The following DGKI variants were observed in gnomAD, a reference collection of about 807,000 sequenced individuals.
The protein encoded by DGKI is diacylglycerol kinase iota.
Under a neutral mutation model 147.5 loss-of-function variants are expected in DGKI, and 55 were observed. The observed-to-expected ratio is 0.37, with a 90% CI of 0.30 to 0.47. The LOEUF (loss-of-function observed/expected upper bound fraction) is 0.47, where lower values mean the gene tolerates loss of function less well. Among genes scored for constraint, DGKI ranks in the 20% least tolerant of loss-of-function variants. DGKI has a pLI of 1.00. For synonymous variants in DGKI, 469 were observed against 477.1 expected, an observed-to-expected ratio of 0.98 and a Z score of 0.22; for missense variants, 1,007 against 1,323.8, an observed-to-expected ratio of 0.76 and a Z score of 3.71.
At chr7:137,706,825 G>A (rs112627787) in intron 1 of DGKI, among the ~76,000 whole-genome samples, 1 of 151,826 alleles carries the variant, frequency 6.6e-6, no homozygotes, top group Non-Finnish European at 1.5e-5. Flanking sequence ...ACCCACCTCG[G>A]CCTCCCATAG....
intron 15 of DGKI, among the ~76,000 whole-genome samples, chr7:137,581,526 T>A (rs2128981203): frequency 6.6e-6 from 1 of 152,228 alleles, no homozygotes; most frequent in South Asian, 2.1e-4. Flanking sequence ...CTTCTTAGTA[T>A]TTTACTCACT....
At chr7:137,432,773 T>G (rs1014620062) in intron 28 of DGKI, among the ~76,000 whole-genome samples, 1 of 152,196 alleles carries the variant, frequency 6.6e-6, no homozygotes, top group Non-Finnish European at 1.5e-5. Flanking sequence ...TTGTATAGAC[T>G]GTCAAACAAT....
At chr7:137,478,706 A>C (rs1815264684) in intron 23 of DGKI, among the ~76,000 whole-genome samples, 1 of 152,144 alleles carries the variant, frequency 6.6e-6, no homozygotes, top group African/African-American at 2.4e-5. Flanking sequence ...CTTGGAAGGA[A>C]ATAGGAAGTA....
chr7:137,553,094 C>T (rs183894200), intron 19 of DGKI, among the ~76,000 whole-genome samples: 234 of 152,236 alleles, frequency 1.5e-3, no homozygotes, highest in Non-Finnish European at 2.8e-3. Context: ...CCATAAATTC[C>T]TATTAACTAT....
chr7:137,846,608 G>A lies in DGKI; in HGVS notation c.255C>T (p.Gly85=). The change falls in exon 1 of 33, where the codon GGC becomes GGT. Residue 85 remains glycine, a synonymous_variant. Coordinates refer to ENST00000614521, the MANE Select transcript of DGKI (RefSeq NM_001321708.2). This position sits in a 1 kb window ranked among gnomAD's most constrained non-coding sequence, Gnocchi z 4.0. ...ACCCTGCGCCCCGCGGGTCCGCGCC[G>A]CCCTCGGCGCCCAGGCAGCAGCTCC... ...GAGSCCLGAE[G]GADPRGAGSA... 1 of 1,098,028 alleles carries A rather than the reference G, an allele frequency of 9.1e-7. No homozygotes were observed. Among genetic ancestry groups the A allele is most frequent in the East Asian group, 6.2e-5 (1 of 16,032 alleles). The allele number at this position is 1,098,028 out of a possible 1,614,324, so 68.0% of individuals were successfully genotyped here. A position where few individuals can be genotyped will look rare whatever the true frequency, so the allele number is the denominator to read the frequency against.
At position 137,459,036 on chromosome 7, in the gene DGKI, T is replaced by G. The variant is rs542914933; in HGVS notation, c.2735+4453A>C. ...ACACTATACACATTGCGTATCCTAC[T>G]TTGGAATTACAGTCTTTCCTATAGG... On this transcript the variant is annotated intron_variant, in intron 27 of 32. Transcript: ENST00000614521. Among the ~76,000 whole-genome samples, 3 of 152,312 alleles carry G rather than the reference T, an allele frequency of 2.0e-5. No individual in the cohort carries two copies. The South Asian group carries it at 6.2e-4, about 32-fold the overall frequency.
At chr7:137,444,407 A>T (rs568977147) in intron 27 of DGKI, among the ~76,000 whole-genome samples, 11 of 152,334 alleles carry the variant, frequency 7.2e-5, no homozygotes, top group African/African-American at 2.4e-4. Context: ...TGTAGTATAG[A>T]TGAAATCCTG....
At chr7:137,638,469 T>C in intron 6 of DGKI, among the ~76,000 whole-genome samples, 1 of 124,270 alleles carries the variant, frequency 8.0e-6, no homozygotes, top group Non-Finnish European at 1.6e-5. Context: ...TATGTGTGTA[T>C]ATATGTGTGT....
intron 1 of DGKI, among the ~76,000 whole-genome samples, chr7:137,770,526 C>G (rs1026519649): frequency 2.0e-5 from 3 of 148,182 alleles, no homozygotes; most frequent in Non-Finnish European, 3.0e-5. Context: ...ATAAATTATA[C>G]TCAGTGGGTT....
At chr7:137,561,430 G>A (rs1818416132) in intron 19 of DGKI, among the ~76,000 whole-genome samples, 1 of 152,056 alleles carries the variant, frequency 6.6e-6, no homozygotes, top group Non-Finnish European at 1.5e-5. Context: ...TGAAGGAAAG[G>A]GAGGGACAGG....
chr7:137,804,074 G>C (rs1797292735), intron 1 of DGKI, among the ~76,000 whole-genome samples: 1 of 152,228 alleles, frequency 6.6e-6, no homozygotes. Flanking sequence ...GCACTCAACA[G>C]TAAGCGCTTA....
intron 14 of DGKI, among the ~76,000 whole-genome samples, chr7:137,584,095 T>C (rs951947317): frequency 2.6e-5 from 4 of 152,184 alleles, no homozygotes; most frequent in African/African-American, 7.2e-5. Flanking sequence ...TAAAATGATA[T>C]GGGGCTTAAT....
intron 3 of DGKI, among the ~76,000 whole-genome samples, chr7:137,669,267 C>A (rs752203200): frequency 7.2e-5 from 11 of 152,142 alleles, no homozygotes; most frequent in Admixed American, 3.3e-4. Context: ...TGGCAGGGAA[C>A]AACAACAACA....
intron 23 of DGKI, among the ~76,000 whole-genome samples, chr7:137,471,876 GA>G (rs979331035): frequency 1.4e-5 from 2 of 144,886 alleles, no homozygotes; most frequent in African/African-American, 5.0e-5. Flanking sequence ...AATATATACA[GA>G]AAAAATATAT....
At chr7:137,830,358 C>T (rs1798183062) in intron 1 of DGKI, among the ~76,000 whole-genome samples, 1 of 152,232 alleles carries the variant, frequency 6.6e-6, no homozygotes, top group Non-Finnish European at 1.5e-5. Context: ...GACAGAAACC[C>T]AGCCTCAGTG....
At chr7:137,609,483 G>A (rs1385184438) in intron 9 of DGKI, 52 bp downstream of exon 9, 2 of 1,398,816 alleles carry the variant, frequency 1.4e-6, no homozygotes, top group Non-Finnish European at 2.0e-6. Flanking sequence ...GGACAGAGTA[G>A]ACTATGGAAA....
chr7:137,489,813 TA>T (rs1419643203), intron 21 of DGKI, among the ~76,000 whole-genome samples: 1 of 152,230 alleles, frequency 6.6e-6, no homozygotes, highest in Non-Finnish European at 1.5e-5. Flanking sequence ...AGATATATTT[TA>T]TACATACGCA....
chr7:137,565,484 C>T (rs1251809767), intron 19 of DGKI, among the ~76,000 whole-genome samples: 2 of 152,128 alleles, frequency 1.3e-5, no homozygotes, highest in Non-Finnish European at 2.9e-5. Flanking sequence ...CTGAGAATTT[C>T]TCCATGTCCT....
rs796915848 is a variant in DGKI at position 137,773,716 on chromosome 7, C to CA, written c.401+72745dup. 7.4e-3 allele frequency among the ~76,000 whole-genome samples: 1,093 copies of CA among 147,336 alleles called. 5 individuals are homozygous for CA. The highest frequency in any genetic ancestry group is 0.011 in the Non-Finnish European group (711 of 66,530). The stretch of plus-strand genomic sequence containing the variant: ...CAAGCCAATAATGATAACCAAAATA[C>CA]AAAAAAAAAATAGAAACTCATGTTT... On this transcript the variant is annotated intron_variant, in intron 1 of 32. Coordinates refer to ENST00000614521, the MANE Select transcript of DGKI (RefSeq NM_001321708.2).
Sources: gnomAD v4.1 joint callset for allele counts (sites outside exome capture counted in the v4.1 genomes callset) on GRCh38, gnomAD v4.1.1 for gene constraint, Gnocchi (gnomAD v3.1) non-coding constraint, MANE v1.5 for transcripts, NCBI Gene and HGNC (gene_info 2026-07-23, HGNC 2026-07-21) for gene names.